The following SNX9 variants were observed in gnomAD, a reference collection of about 807,000 sequenced individuals.
The protein encoded by SNX9 is sorting nexin 9.
In SNX9, 44 loss-of-function variants were observed where a neutral mutation model predicts 89.4. The ratio of observed to expected loss-of-function variants is 0.49; its 90% CI spans 0.39 to 0.63. The LOEUF (loss-of-function observed/expected upper bound fraction) is 0.63, where lower values mean the gene tolerates loss of function less well. Among genes scored for constraint, SNX9 ranks in the 30% least tolerant of loss-of-function variants. The pLI is 0.00. For synonymous variants in SNX9, 236 were observed against 247.8 expected (o/e 0.95, Z 0.45); for missense variants, 578 against 736.1 (o/e 0.79, Z 2.49).
chr6:157,870,732 G>C (rs1217899413), intron 2 of SNX9, among the ~76,000 whole-genome samples: 1 of 147,092 alleles, frequency 6.8e-6, no homozygotes, highest in South Asian at 2.1e-4. Context: ...GCACTCACCT[G>C]TGCAAGCATG....
intron 1 of SNX9, among the ~76,000 whole-genome samples, chr6:157,826,424 CG>C (rs573783710): frequency 1.2e-3 from 180 of 150,242 alleles, no homozygotes; most frequent in African/African-American, 4.2e-3. Context: ...AGCGTGAACC[CG>C]GGAGGCAGAA....
chr6:157,859,404 C>CTGAGTATAGA (rs1413667073), intron 1 of SNX9, among the ~76,000 whole-genome samples: 24 of 152,166 alleles, frequency 1.6e-4, no homozygotes, highest in Non-Finnish European at 2.5e-4. Flanking sequence ...CATTCCATGT[C>CTGAGTATAGA]TGAGTATATA....
chr6:157,876,406 G>A (rs998137978), intron 4 of SNX9, among the ~76,000 whole-genome samples: 4 of 152,292 alleles, frequency 2.6e-5, no homozygotes, highest in Non-Finnish European at 5.9e-5. Flanking sequence ...AGCCGAGATC[G>A]TGCCACTGTA....
intron 5 of SNX9, among the ~76,000 whole-genome samples, chr6:157,899,110 A>G (rs1297773807): frequency 6.6e-6 from 1 of 152,194 alleles, no homozygotes; most frequent in African/African-American, 2.4e-5. Flanking sequence ...GAGAGCCCAC[A>G]GGGGAGGAAG....
intron 9 of SNX9, among the ~76,000 whole-genome samples, chr6:157,910,399 G>A (rs1783314519): frequency 6.6e-6 from 1 of 152,174 alleles, no homozygotes; most frequent in South Asian, 2.1e-4. Context: ...AAAAATGTAT[G>A]ACCCACATGA....
In SNX9 at chr6:157,870,269, C is replaced by T. The variant is rs114261460; in HGVS notation, c.99+2636C>T. On this transcript the variant is annotated intron_variant, in intron 2 of 17. Transcript: ENST00000392185. ...TCTCACCTGCTCTCTCACATCCCCACGCTCATGCTCTCACATATGCACTCA... is the reference window on the plus strand; with the variant it reads ...TCTCACCTGCTCTCTCACATCCCCATGCTCATGCTCTCACATATGCACTCA... Among the ~76,000 whole-genome samples the T allele has an allele frequency of 4.3e-3, 640 of 148,270 alleles. 12 individuals carry two copies. Among genetic ancestry groups the T allele is most frequent in the Non-Finnish European group, 3.3e-3 (222 of 66,906 alleles).
intron 2 of SNX9, among the ~76,000 whole-genome samples, chr6:157,869,765 C>A (rs1782350996): frequency 6.6e-6 from 1 of 152,134 alleles, no homozygotes; most frequent in African/African-American, 2.4e-5. Flanking sequence ...TCAGACCTCG[C>A]CAGCCTTTCC....
intron 2 of SNX9, among the ~76,000 whole-genome samples, chr6:157,868,209 T>C (rs1246231274): frequency 1.3e-5 from 2 of 152,250 alleles, no homozygotes; most frequent in African/African-American, 2.4e-5. Context: ...TTACAAGTTA[T>C]TGCCTCAGCT....
At chr6:157,850,617 G>A (rs763417350) in intron 1 of SNX9, among the ~76,000 whole-genome samples, 60 of 152,096 alleles carry the variant, frequency 3.9e-4, no homozygotes, top group Non-Finnish European at 7.2e-4. Flanking sequence ...TGAAGTTGGG[G>A]TAAAGGTCAT....
At chr6:157,923,533 T>C (rs1008157608) in intron 10 of SNX9, among the ~76,000 whole-genome samples, 1 of 152,090 alleles carries the variant, frequency 6.6e-6, no homozygotes, top group Non-Finnish European at 1.5e-5. Context: ...CTATGAAACA[T>C]TATTGAGAAA....
intron 6 of SNX9, 85 bp from the exon 7 acceptor site, chr6:157,906,043 A>C: frequency 8.7e-7 from 1 of 1,151,822 alleles, no homozygotes; most frequent in Non-Finnish European, 1.3e-6. Context: ...GACAAGGTTA[A>C]AACTGGTAAG....
At chr6:157,838,220 CCAGGCTGGTCTT>C (rs1371898653) in intron 1 of SNX9, among the ~76,000 whole-genome samples, 10 of 151,926 alleles carry the variant, frequency 6.6e-5, no homozygotes, top group African/African-American at 1.9e-4. Flanking sequence ...GCCATGTTGC[CCAGGCTGGTCTT>C]GAACTCCTGG....
intron 3 of SNX9, 34 bp downstream of exon 3, chr6:157,873,210 C>A: frequency 6.8e-7 from 1 of 1,480,764 alleles, no homozygotes; most frequent in South Asian, 1.5e-5. Context: ...CATTAGAGCT[C>A]ATCTTTGCCA....
At chr6:157,936,510 G>A (rs6923192) in intron 14 of SNX9, among the ~76,000 whole-genome samples, 35,171 of 151,942 alleles carry the variant, frequency 0.23, 4,236 homozygotes, top group African/African-American at 0.28. Flanking sequence ...CCCTATCTCA[G>A]AAGAAAAAAA....
intron 16 of SNX9, among the ~76,000 whole-genome samples, chr6:157,940,486 C>T (rs893236026): frequency 2.0e-5 from 3 of 152,172 alleles, no homozygotes; most frequent in East Asian, 1.9e-4. Context: ...GGTGCAATCC[C>T]GGCTCACTGC....
At chr6:157,916,678 C>G (rs955942219) in intron 9 of SNX9, among the ~76,000 whole-genome samples, 1 of 152,150 alleles carries the variant, frequency 6.6e-6, no homozygotes, top group Non-Finnish European at 1.5e-5. Flanking sequence ...GTGTACTCAT[C>G]GAGTGATTGT....
rs1781276851 is a variant in SNX9, at chr6:157,823,458, G to A, written c.12+12G>A. 8.2e-7 allele frequency: 1 copy of A among 1,220,828 alleles called. No homozygotes were observed. Among genetic ancestry groups the A allele is most frequent in the African/African-American group, 1.6e-5 (1 of 62,538 alleles). The allele number at this position is 1,220,828 out of a possible 1,614,324, so 75.6% of individuals were successfully genotyped here. A position where few individuals can be genotyped will look rare whatever the true frequency, so the allele number is the denominator to read the frequency against. On this transcript the variant is annotated intron_variant, in intron 1 of 17. Transcript: ENST00000392185. This position sits in a 1 kb window ranked among gnomAD's most constrained non-coding sequence, Gnocchi z 4.6. The stretch of plus-strand genomic sequence containing the variant: ...CCATGGCCACCAAGGTGAGGGGCGC[G>A]CGGCGCAGGCCGGGCCGGTCGCTCA...
intron 1 of SNX9, among the ~76,000 whole-genome samples, chr6:157,841,080 C>T (rs888015346): frequency 2.0e-5 from 3 of 152,140 alleles, no homozygotes; most frequent in Non-Finnish European, 4.4e-5. Flanking sequence ...TTGAGAGCAG[C>T]AGTAGAAGAA....
intron 16 of SNX9, 65 bp from the exon 17 acceptor site, chr6:157,940,818 G>A: frequency 7.1e-7 from 1 of 1,414,170 alleles, no homozygotes; most frequent in Non-Finnish European, 1.0e-6. Flanking sequence ...ACTGAGCAGA[G>A]AAACCAGGTG....
Sources: gnomAD v4.1 joint callset for allele counts (sites outside exome capture counted in the v4.1 genomes callset) on GRCh38, gnomAD v4.1.1 for gene constraint, Gnocchi (gnomAD v3.1) non-coding constraint, MANE v1.5 for transcripts, NCBI Gene and HGNC (gene_info 2026-07-23, HGNC 2026-07-21) for gene names.